RBFOX1: variants seen among roughly 807,000 people sequenced by gnomAD.
The protein encoded by RBFOX1 is RNA binding protein fox-1 homolog 1.
In RBFOX1, 8 loss-of-function variants were observed where a neutral mutation model predicts 57.7. The ratio of observed to expected loss-of-function variants is 0.14; its 90% CI spans 0.08 to 0.25. The LOEUF (loss-of-function observed/expected upper bound fraction) is 0.25. Among genes scored for constraint, RBFOX1 ranks in the 10% least tolerant of loss-of-function variants. The pLI, the probability that RBFOX1 is intolerant of heterozygous loss-of-function variation, is 1.00. For synonymous variants in RBFOX1, 326 were observed against 222.4 expected, an observed-to-expected ratio of 1.47 and a Z score of -4.15; for missense variants, 611 against 548.5, an observed-to-expected ratio of 1.11 and a Z score of -1.14.
chr16:6,471,610 G>C (rs2095176163), intron 2 of RBFOX1, among the ~76,000 whole-genome samples: 1 of 150,774 alleles, frequency 6.6e-6, no homozygotes, highest in Non-Finnish European at 1.5e-5. Context: ...TAGTGGCAGA[G>C]AATTTGTATT....
At chr16:5,383,029 A>G (rs1400751181) in intron 1 of RBFOX1, among the ~76,000 whole-genome samples, 2 of 152,200 alleles carry the variant, frequency 1.3e-5, no homozygotes, top group African/African-American at 4.8e-5. Context: ...CCTTGCTCAC[A>G]TGCTATAAAG....
chr16:7,558,367 C>CAT (rs139329021), intron 5 of RBFOX1, among the ~76,000 whole-genome samples: 8 of 151,532 alleles, frequency 5.3e-5, no homozygotes, highest in East Asian at 1.9e-4. Flanking sequence ...ATAAGACATA[C>CAT]ATATATATAT....
intron 3 of RBFOX1, among the ~76,000 whole-genome samples, chr16:6,859,128 TACATATATATAC>T (rs1567592058): frequency 1.6e-4 from 12 of 77,138 alleles, no homozygotes; most frequent in African/African-American, 8.1e-4. Context: ...TATATATATA[TACATATATATAC>T]GTATATATAT....
At chr16:6,594,727 A>T (rs1451546668) in intron 2 of RBFOX1, among the ~76,000 whole-genome samples, 1 of 151,964 alleles carries the variant, frequency 6.6e-6, no homozygotes, top group Non-Finnish European at 1.5e-5. Flanking sequence ...ATTGAGGTTC[A>T]CTTACTATAT....
At chr16:5,659,995 A>G (rs1426760925) in intron 3 of RBFOX1, among the ~76,000 whole-genome samples, 1 of 152,222 alleles carries the variant, frequency 6.6e-6, no homozygotes, top group Non-Finnish European at 1.5e-5. Context: ...GATATATTTT[A>G]TAGTTCTTTT....
intron 2 of RBFOX1, among the ~76,000 whole-genome samples, chr16:6,451,353 C>G: frequency 6.6e-6 from 1 of 152,098 alleles, no homozygotes; most frequent in Non-Finnish European, 1.5e-5. Flanking sequence ...CTATGTTCTG[C>G]TTAACTATGT....
rs76161133 is a variant in RBFOX1 at position 7,356,953 on chromosome 16, T to G, written c.28-161194T>G. ...AAGATTGAGATCAAGTCTTGTTGCC[T>G]CTAGTTTCTGTTCTTTGTGTGAATG... On this transcript the variant is annotated intron_variant, in intron 4 of 15. Transcript: ENST00000550418. Among the ~76,000 whole-genome samples the G allele has an allele frequency of 6.5e-3, 987 of 152,306 alleles. 65 individuals carry two copies. In the East Asian group the frequency reaches 0.12, roughly 19 times the overall value.
At chr16:7,418,774 G>GTCTCTATCCCTA (rs71147695) in intron 4 of RBFOX1, among the ~76,000 whole-genome samples, 46,510 of 151,580 alleles carry the variant, frequency 0.31, 8,665 homozygotes, top group South Asian at 0.42. Context: ...CTGTGTCTGT[G>GTCTCTATCCCTA]TCTCTATCTC....
chr16:6,150,757 C>G (rs940534784), intron 1 of RBFOX1, among the ~76,000 whole-genome samples: 11 of 152,206 alleles, frequency 7.2e-5, no homozygotes, highest in African/African-American at 2.7e-4. Context: ...ATCTATCTCT[C>G]TATCCCTAAG....
At chr16:5,340,472 A>G (rs1305479935) in intron 1 of RBFOX1, among the ~76,000 whole-genome samples, 1 of 152,242 alleles carries the variant, frequency 6.6e-6, no homozygotes, top group Non-Finnish European at 1.5e-5. Context: ...GATTGCTGCC[A>G]TGGGCACATA....
At chr16:6,157,630 T>G (rs2096847736) in intron 1 of RBFOX1, among the ~76,000 whole-genome samples, 1 of 152,216 alleles carries the variant, frequency 6.6e-6, no homozygotes, top group South Asian at 2.1e-4. Context: ...TTTGTAAGCT[T>G]AATTTCTAGG....
rs544447071 is a variant in RBFOX1 at position 7,216,618 on chromosome 16, G to A, written c.27+164520G>A. ...GGTTGCAGTGAGCCCAGATCGTACC[G>A]CTGTACTCCAGCCTGGGCAACAGAG... On this transcript the variant is annotated intron_variant, in intron 4 of 15. Transcript: ENST00000550418. Among the ~76,000 whole-genome samples, 136 of 152,074 alleles carry A rather than the reference G, an allele frequency of 8.9e-4. 1 individual carries two copies. In the Middle Eastern group the frequency reaches 0.014, roughly 15 times the overall value.
intron 1 of RBFOX1, among the ~76,000 whole-genome samples, chr16:5,403,372 AAAC>A (rs1835349915): frequency 6.7e-6 from 1 of 150,120 alleles, no homozygotes; most frequent in Non-Finnish European, 1.5e-5. Context: ...AAAAAACAAA[AAAC>A]AAACAAACAA....
chr16:6,997,033 T>C (rs1476930168), intron 3 of RBFOX1, among the ~76,000 whole-genome samples: 1 of 152,182 alleles, frequency 6.6e-6, no homozygotes, highest in East Asian at 1.9e-4. Context: ...TATATTTATA[T>C]GCACGTATTT....
intron 2 of RBFOX1, among the ~76,000 whole-genome samples, chr16:6,361,436 T>G (rs889151476): frequency 6.6e-6 from 1 of 151,950 alleles, no homozygotes; most frequent in African/African-American, 2.4e-5. Context: ...GAGACCAGCC[T>G]GGCCAATATG....
At chr16:7,110,187 CA>C (rs59148096) in intron 4 of RBFOX1, among the ~76,000 whole-genome samples, 4,775 of 135,060 alleles carry the variant, frequency 0.035, 290 homozygotes, top group African/African-American at 0.13. Context: ...CCCCGTGTCT[CA>C]AAAAAAAAAA....
chr16:5,547,851 C>G (rs201909055), intron 2 of RBFOX1, among the ~76,000 whole-genome samples: 1 of 151,918 alleles, frequency 6.6e-6, no homozygotes, highest in African/African-American at 2.4e-5. Context: ...ACATTGGGTA[C>G]ACATGGACGT....
At chr16:6,407,596 G>GAGAGAGAGAGAGAGAGAGAGAGAGAAC (rs71386523) in intron 2 of RBFOX1, among the ~76,000 whole-genome samples, 9 of 146,192 alleles carry the variant, frequency 6.2e-5, no homozygotes, top group Middle Eastern at 7.2e-3. Context: ...AGAGAGAGAA[G>GAGAGAGAGAGAGAGAGAGAGAGAGAAC]TACATTCTAT....
chr16:5,662,561 C>T (rs534157059), intron 3 of RBFOX1, among the ~76,000 whole-genome samples: 1 of 152,222 alleles, frequency 6.6e-6, no homozygotes, highest in South Asian at 2.1e-4. Context: ...GGACCTGGAC[C>T]ACACTTTGAG....
Sources: gnomAD v4.1 joint callset for allele counts (sites outside exome capture counted in the v4.1 genomes callset) on GRCh38, gnomAD v4.1.1 for gene constraint, MANE v1.5 for transcripts, NCBI Gene and HGNC (gene_info 2026-07-23, HGNC 2026-07-21) for gene names.